Variants in SEZ6L observed in about 807,000 individuals in gnomAD.
SEZ6L encodes seizure 6-like protein.
Under a neutral mutation model 106.2 loss-of-function variants are expected in SEZ6L, and 37 were observed. The ratio of observed to expected loss-of-function variants is 0.35; its 90% CI spans 0.27 to 0.46. SEZ6L has a LOEUF of 0.46. Ranked by LOEUF, SEZ6L falls within the 20% of genes least tolerant of loss-of-function variation. SEZ6L has a pLI of 1.00. For synonymous variants in SEZ6L, 541 were observed against 570.4 expected (o/e 0.95, Z 0.73); for missense variants, 1,172 against 1,332.8 (o/e 0.88, Z 1.88).
intron 1 of SEZ6L, among the ~76,000 whole-genome samples, chr22:26,252,812 C>T (rs1283741622): frequency 1.3e-5 from 2 of 152,342 alleles, no homozygotes; most frequent in Non-Finnish European, 2.9e-5. Context: ...TTATTTTATC[C>T]AATCCATCAT....
chr22:26,220,742 A>G (rs939400293), intron 1 of SEZ6L, among the ~76,000 whole-genome samples: 2 of 152,222 alleles, frequency 1.3e-5, no homozygotes, highest in Non-Finnish European at 2.9e-5. Flanking sequence ...CTCATCCATG[A>G]CAGGGGCCAC....
At chr22:26,181,604 T>C (rs540678645) in intron 1 of SEZ6L, among the ~76,000 whole-genome samples, 1 of 152,326 alleles carries the variant, frequency 6.6e-6, no homozygotes, top group South Asian at 2.1e-4. Flanking sequence ...TTAATCCGAC[T>C]GTGTAAGCTT....
At chr22:26,216,172 A>G (rs1416401460) in intron 1 of SEZ6L, among the ~76,000 whole-genome samples, 2 of 152,206 alleles carry the variant, frequency 1.3e-5, no homozygotes, top group Admixed American at 1.3e-4. Context: ...GAAGAAACAG[A>G]AAACCAGGGA....
chr22:26,307,934 G>A (rs2081685811), intron 6 of SEZ6L, among the ~76,000 whole-genome samples: 1 of 152,102 alleles, frequency 6.6e-6, no homozygotes, highest in African/African-American at 2.4e-5. Flanking sequence ...AGTTTCTCTG[G>A]GGTCCTGCAA....
intron 1 of SEZ6L, among the ~76,000 whole-genome samples, chr22:26,280,543 A>C (rs1022846496): frequency 6.6e-6 from 1 of 152,192 alleles, no homozygotes; most frequent in Non-Finnish European, 1.5e-5. Flanking sequence ...TAGAAGGAAG[A>C]AGACTTCTTT....
At chr22:26,176,388 T>C (rs974675825) in intron 1 of SEZ6L, among the ~76,000 whole-genome samples, 1 of 152,256 alleles carries the variant, frequency 6.6e-6, no homozygotes, top group Non-Finnish European at 1.5e-5. Context: ...AGAGGAGAGA[T>C]GCTTTCTCAT....
chr22:26,365,848 C>T (rs563864015), intron 13 of SEZ6L, among the ~76,000 whole-genome samples: 306 of 149,470 alleles, frequency 2.0e-3, no homozygotes, highest in Admixed American at 3.5e-3. Context: ...CACTCCAGCC[C>T]GGACAGAACG....
intron 1 of SEZ6L, among the ~76,000 whole-genome samples, chr22:26,276,803 G>A (rs1434988071): frequency 1.3e-5 from 2 of 152,214 alleles, no homozygotes; most frequent in Non-Finnish European, 2.9e-5. Flanking sequence ...TGGTTATGAA[G>A]GAGGGAAGGA....
chr22:26,357,874 A>G (rs2083489296), intron 12 of SEZ6L, among the ~76,000 whole-genome samples: 1 of 152,208 alleles, frequency 6.6e-6, no homozygotes, highest in Non-Finnish European at 1.5e-5. Context: ...CCACACCACC[A>G]AAACTAAAAA....
At chr22:26,245,301 T>C (rs1051537648) in intron 1 of SEZ6L, among the ~76,000 whole-genome samples, 1 of 152,122 alleles carries the variant, frequency 6.6e-6, no homozygotes, top group Admixed American at 6.5e-5. Context: ...GCTGAGAGCC[T>C]GACTTTAGAA....
chr22:26,311,768 C>G lies in SEZ6L; in HGVS notation c.1682C>G (p.Ala561Gly), dbSNP rs143554731. The G allele has an allele frequency of 1.9e-4, 307 of 1,613,150 alleles. No homozygotes were observed. Among genetic ancestry groups the G allele is most frequent in the Non-Finnish European group, 2.5e-4 (294 of 1,179,128 alleles). ...AASTFNIRFE[A>G]FEKGHCYEPY... ...TGCTGCCTCTCTTTCCCTTCCTCAG[C>G]GTTTGAGAAAGGCCACTGCTATGAG... The change falls in exon 8 of 17, where the codon GCG becomes GGG. Residue 561 changes from alanine (A) to glycine (G), a missense_variant and splice_region_variant. Physicochemically the swap from Ala to Gly is moderately conservative, Grantham distance 60 (BLOSUM62 0). Transcript: ENST00000248933.
At chr22:26,177,053 A>G (rs983466365) in intron 1 of SEZ6L, among the ~76,000 whole-genome samples, 2 of 152,204 alleles carry the variant, frequency 1.3e-5, no homozygotes, top group African/African-American at 4.8e-5. Flanking sequence ...ATCAGGTATA[A>G]ATTCTCAACC....
chr22:26,292,594 G>T lies in SEZ6L; in HGVS notation c.283G>T (p.Asp95Tyr). ...TGGGACCGCACCCTCTGCACATCAC[G>T]ACATCCCAGCCCTGTCACCGCTGCT... ...LDGTAPSAHHDIPALSPLLPE... is the reference protein window; with the variant it reads ...LDGTAPSAHHYIPALSPLLPE... The change falls in exon 2 of 17, where the codon GAC (aspartate) becomes TAC (tyrosine). Residue 95 changes from aspartate to tyrosine, a missense_variant. Physicochemically the swap from Asp to Tyr is radical, Grantham distance 160. Transcript: ENST00000248933. 1.2e-6 allele frequency: 2 copies of T among 1,613,510 alleles called. No homozygotes were observed. Among genetic ancestry groups the T allele is most frequent in the Non-Finnish European group, 1.7e-6 (2 of 1,179,794 alleles).
At chr22:26,206,914 G>A (rs950849670) in intron 1 of SEZ6L, among the ~76,000 whole-genome samples, 20 of 152,292 alleles carry the variant, frequency 1.3e-4, no homozygotes, top group African/African-American at 4.8e-4. Flanking sequence ...TGAAGCCACA[G>A]TGATTTATTT....
chr22:26,322,682 G>A (rs963158773), intron 9 of SEZ6L, among the ~76,000 whole-genome samples: 1 of 152,154 alleles, frequency 6.6e-6, no homozygotes, highest in African/African-American at 2.4e-5. Flanking sequence ...CTGAATCACA[G>A]CATCAATTAC....
At chr22:26,272,507 A>G (rs529285446) in intron 1 of SEZ6L, among the ~76,000 whole-genome samples, 38 of 152,210 alleles carry the variant, frequency 2.5e-4, no homozygotes, top group Non-Finnish European at 4.7e-4. Flanking sequence ...CCAGGGGAAA[A>G]CTCAGACTGC....
At position 26,227,079 on chromosome 22, in the gene SEZ6L, T is replaced by G. The variant is rs537267438; in HGVS notation, c.94+57316T>G. On this transcript the variant is annotated intron_variant, in intron 1 of 16. Coordinates refer to ENST00000248933, the MANE Select transcript of SEZ6L (RefSeq NM_021115.5). The stretch of plus-strand genomic sequence containing the variant: ...AACTGATACAAGCTCCATGAACATG[T>G]GCACCGTGTCTATTTTTGTTCCCCA... Among the ~76,000 whole-genome samples, 8 of 152,306 alleles carry G rather than the reference T, an allele frequency of 5.3e-5. No homozygotes were observed. The East Asian group carries it at 5.8e-4, about 11-fold the overall frequency.
At chr22:26,235,109 G>T (rs778220364) in intron 1 of SEZ6L, among the ~76,000 whole-genome samples, 10 of 152,222 alleles carry the variant, frequency 6.6e-5, no homozygotes, top group Non-Finnish European at 2.9e-5. Context: ...AGTGAAAACA[G>T]GACCTAGTCA....
intron 5 of SEZ6L, among the ~76,000 whole-genome samples, chr22:26,302,044 A>G (rs1213414565): frequency 6.6e-6 from 1 of 152,200 alleles, no homozygotes; most frequent in Admixed American, 6.5e-5. Context: ...AAGGTGGACA[A>G]TATCTACTAT....
Sources: allele counts gnomAD v4.1 joint callset (sites outside exome capture counted in the v4.1 genomes callset), GRCh38; gene constraint gnomAD v4.1.1; transcripts MANE v1.5; gene names NCBI Gene and HGNC (gene_info 2026-07-23, HGNC 2026-07-21).